Variants in NRG3 observed in about 807,000 individuals in gnomAD.
NRG3 encodes the protein neuregulin 3.
NRG3 carries 31 observed loss-of-function variants against 66.9 expected under a neutral mutation model. That is an observed-to-expected ratio of 0.46 (90% CI 0.35 to 0.63). NRG3 has a LOEUF of 0.63. NRG3 is among the 20% of genes least tolerant of loss of function. NRG3 has a pLI of 0.00. For missense variants in NRG3, 910 were observed against 878.9 expected, an observed-to-expected ratio of 1.04 and a Z score of -0.45; for synonymous variants, 393 against 359.4, an observed-to-expected ratio of 1.09 and a Z score of -1.06.
At chr10:81,981,774 A>G (rs1434283133) in intron 1 of NRG3, among the ~76,000 whole-genome samples, 1 of 152,224 alleles carries the variant, frequency 6.6e-6, no homozygotes, top group African/African-American at 2.4e-5. Flanking sequence ...ACTTGATTAA[A>G]TGGATATTGA....
At chr10:82,482,033 T>C (rs1326152593) in intron 2 of NRG3, among the ~76,000 whole-genome samples, 2 of 152,150 alleles carry the variant, frequency 1.3e-5, no homozygotes, top group Non-Finnish European at 2.9e-5. Flanking sequence ...GTATTATGTT[T>C]CGAAGCACAG....
chr10:82,418,142 C>T (rs1564898709), intron 2 of NRG3, among the ~76,000 whole-genome samples: 2 of 152,192 alleles, frequency 1.3e-5, no homozygotes. Flanking sequence ...AAATAACTGT[C>T]AGCTCCTATA....
At chr10:82,017,930 G>A (rs2132706209) in intron 1 of NRG3, among the ~76,000 whole-genome samples, 1 of 152,284 alleles carries the variant, frequency 6.6e-6, no homozygotes, top group East Asian at 1.9e-4. Context: ...CTGTGCAGAA[G>A]CTCTTTAGTT....
chr10:82,142,766 CTTT>C (rs3036609), intron 1 of NRG3, among the ~76,000 whole-genome samples: 2 of 110,634 alleles, frequency 1.8e-5, no homozygotes, highest in Admixed American at 1.0e-4. Flanking sequence ...CTCTCTCGCT[CTTT>C]TTTTTTTTTT....
chr10:82,061,821 CTTCT>C (rs1415258873), intron 1 of NRG3, among the ~76,000 whole-genome samples: 1 of 148,168 alleles, frequency 6.7e-6, no homozygotes, highest in African/African-American at 2.5e-5. Context: ...CTTCTGTTCT[CTTCT>C]TTCTGTCAGT....
At chr10:82,098,934 T>G (rs2066549598) in intron 1 of NRG3, among the ~76,000 whole-genome samples, 1 of 152,024 alleles carries the variant, frequency 6.6e-6, no homozygotes, top group African/African-American at 2.4e-5. Context: ...TGGCTAATTT[T>G]TTTGGTATTT....
At chr10:81,891,542 T>C (rs1302897747) in intron 1 of NRG3, among the ~76,000 whole-genome samples, 1 of 152,164 alleles carries the variant, frequency 6.6e-6, no homozygotes, top group Non-Finnish European at 1.5e-5. Flanking sequence ...AGGGAGGTGA[T>C]TTCCATGGAG....
At chr10:82,186,561 G>T (rs540216543) in intron 1 of NRG3, among the ~76,000 whole-genome samples, 291 of 152,296 alleles carry the variant, frequency 1.9e-3, no homozygotes, top group African/African-American at 6.8e-3. Context: ...CAGCTGGAAT[G>T]CAAACAAAGT....
chr10:81,898,289 C>G (rs1843706233), intron 1 of NRG3, among the ~76,000 whole-genome samples: 2 of 152,202 alleles, frequency 1.3e-5, no homozygotes, highest in Admixed American at 6.5e-5. Flanking sequence ...ATTCATTCAG[C>G]ATGGTTGTCA....
chr10:82,140,559 A>G (rs754940586), intron 1 of NRG3, among the ~76,000 whole-genome samples: 1 of 152,136 alleles, frequency 6.6e-6, no homozygotes, highest in Non-Finnish European at 1.5e-5. Context: ...GACTTCTTCT[A>G]ATCTCAACAG....
intron 1 of NRG3, among the ~76,000 whole-genome samples, chr10:82,352,679 T>C (rs2083507505): frequency 6.6e-6 from 1 of 152,160 alleles, no homozygotes; most frequent in Admixed American, 6.5e-5. Context: ...GGTGGCAACC[T>C]GCAGAGCAAA....
intron 1 of NRG3, among the ~76,000 whole-genome samples, chr10:81,910,760 A>G (rs550246263): frequency 3.3e-5 from 5 of 152,000 alleles, no homozygotes; most frequent in East Asian, 3.9e-4. Context: ...TGACCCTTCC[A>G]CCTATGTCTG....
At chr10:82,682,263 A>G (rs2054156697) in intron 2 of NRG3, among the ~76,000 whole-genome samples, 1 of 152,200 alleles carries the variant, frequency 6.6e-6, no homozygotes, top group Non-Finnish European at 1.5e-5. Flanking sequence ...ACCTTGTCAC[A>G]TGCACATTGT....
chr10:82,832,966 G>A (rs951685425), intron 3 of NRG3, among the ~76,000 whole-genome samples: 1 of 152,014 alleles, frequency 6.6e-6, no homozygotes, highest in Non-Finnish European at 1.5e-5. Context: ...ACCAAACCCA[G>A]GTAGACTGTT....
chr10:82,610,579 G>C (rs1053645694), intron 2 of NRG3, among the ~76,000 whole-genome samples: 2 of 152,084 alleles, frequency 1.3e-5, no homozygotes, highest in African/African-American at 4.8e-5. Flanking sequence ...GGATGCTCTT[G>C]GCTAAGAGTG....
At chr10:82,296,288 C>T (rs969424040) in intron 1 of NRG3, among the ~76,000 whole-genome samples, 6 of 152,120 alleles carry the variant, frequency 3.9e-5, no homozygotes, top group African/African-American at 7.2e-5. Flanking sequence ...AAACCATCAA[C>T]GTTTATTAGG....
chr10:82,279,393 A>G (rs1216777594), intron 1 of NRG3, among the ~76,000 whole-genome samples: 2 of 152,200 alleles, frequency 1.3e-5, no homozygotes, highest in Non-Finnish European at 2.9e-5. Context: ...AAAAGAAACC[A>G]TAAAAAGCCC....
intron 3 of NRG3, among the ~76,000 whole-genome samples, chr10:82,818,480 T>C (rs1460862309): frequency 1.3e-5 from 2 of 152,166 alleles, no homozygotes; most frequent in East Asian, 3.9e-4. Context: ...AAGAAAGGTT[T>C]TCTTCTTTTA....
intron 4 of NRG3, among the ~76,000 whole-genome samples, chr10:82,918,342 G>C (rs1013942357): frequency 1.3e-5 from 2 of 152,050 alleles, no homozygotes; most frequent in Admixed American, 6.6e-5. Context: ...ATCCTCACTA[G>C]AAGACTGTCA....
Sources: allele counts gnomAD v4.1 joint callset (sites outside exome capture counted in the v4.1 genomes callset), GRCh38; gene constraint gnomAD v4.1.1; transcripts MANE v1.5; gene names NCBI Gene and HGNC (gene_info 2026-07-23, HGNC 2026-07-21).